Variants in WNT7A observed in about 807,000 individuals in gnomAD.
WNT7A encodes the protein Wnt family member 7A, also known as protein Wnt-7a.
A neutral mutation model predicts 28.2 loss-of-function variants in WNT7A; 16 were observed. That is an observed-to-expected ratio of 0.57 (90% CI 0.38 to 0.86). The LOEUF (loss-of-function observed/expected upper bound fraction) is 0.86, where lower values mean the gene tolerates loss of function less well. Among genes scored for constraint, WNT7A ranks in the 40% least tolerant of loss-of-function variants. The pLI is 0.00. For missense variants in WNT7A, 411 were observed against 489.7 expected (o/e 0.84, Z 1.52); for synonymous variants, 190 against 195.9 (o/e 0.97, Z 0.25).
rs1380881922 is a variant in WNT7A at position 13,817,215 on chromosome 3, C to T, written c.*1729G>A. On this transcript the variant is annotated 3_prime_UTR_variant, in exon 4 of 4. Coordinates refer to ENST00000285018, the MANE Select transcript of WNT7A (RefSeq NM_004625.4). ...ATCTCTGCTGTCTGCCTCATACCAC[C>T]AGCCCTCACATGCAAGCAGAGACTC... 4 of 152,200 alleles carry T rather than the reference C, an allele frequency of 2.6e-5. No individual in the cohort carries two copies. Among genetic ancestry groups the T allele is most frequent in the African/African-American group, 9.7e-5 (4 of 41,406 alleles). The allele number at this position is 152,200 out of a possible 1,614,324, so 9.4% of individuals were successfully genotyped here.
rs899471454 is a variant in WNT7A, at chr3:13,879,927, G to T, written c.-111C>A. On this transcript the variant is annotated 5_prime_UTR_variant, in exon 1 of 4. Transcript: ENST00000285018. ...GGGAGGCGCGAGCCGAGGCGTCCCC[G>T]GGGCCGTCTGTCGGTGCGCCCGTCC... is the stretch of plus-strand genomic sequence containing the variant. 1.2e-6 allele frequency: 1 copy of T among 832,926 alleles called. No homozygotes were observed. The allele number at this position is 832,926 out of a possible 1,614,324, so 51.6% of individuals were successfully genotyped here.
At chr3:13,840,747 T>C (rs781273755) in intron 3 of WNT7A, among the ~76,000 whole-genome samples, 44 of 152,052 alleles carry the variant, frequency 2.9e-4, no homozygotes, top group Admixed American at 7.9e-4. Context: ...TCAACCAGCC[T>C]TCCCATTACT....
At position 13,818,969 on chromosome 3, in the gene WNT7A, C is replaced by A. The variant is rs1172856724; in HGVS notation, c.1025G>T (p.Arg342Leu). ...TCACTTGCACGTGTACATCTCCGTG[C>A]GCTCGCTGCACGTGTTGCACTTGAC... Reference protein sequence around the residue: ...CYVKCNTCSERTEMYTCK With the variant: ...CYVKCNTCSELTEMYTCK Residue 342 changes from arginine to leucine, a missense_variant, in exon 4 of 4, where the codon CGC (arginine) becomes CTC (leucine). Physicochemically the swap from Arg to Leu is moderately radical, Grantham distance 102 (BLOSUM62 -2). Coordinates refer to ENST00000285018, the MANE Select transcript of WNT7A (RefSeq NM_004625.4). 1.1e-5 allele frequency: 17 copies of A among 1,589,964 alleles called. No homozygotes were observed. The South Asian group carries it at 1.8e-4, about 17-fold the overall frequency.
At chr3:13,862,208 A>G (rs113207621) in intron 2 of WNT7A, among the ~76,000 whole-genome samples, 44 of 152,342 alleles carry the variant, frequency 2.9e-4, no homozygotes, top group African/African-American at 1.0e-3. Context: ...TGGATAAAGA[A>G]CGATACATAT....
chr3:13,850,036 G>C (rs1694602268), intron 3 of WNT7A, among the ~76,000 whole-genome samples: 1 of 152,216 alleles, frequency 6.6e-6, no homozygotes, highest in Non-Finnish European at 1.5e-5. Flanking sequence ...AGAAACCAAG[G>C]CCCTGAAAGG....
In WNT7A at chr3:13,879,902, G is replaced by C. The variant is rs979122516; in HGVS notation, c.-86C>G. On this transcript the variant is annotated 5_prime_UTR_variant, in exon 1 of 4. Transcript: ENST00000285018. ...GCGGGGCAATCAACATAGCCCGCCCGGGAGGCGCGAGCCGAGGCGTCCCCG... is the reference window on the plus strand; with the variant it reads ...GCGGGGCAATCAACATAGCCCGCCCCGGAGGCGCGAGCCGAGGCGTCCCCG... 72 of 1,156,806 alleles carry C rather than the reference G, an allele frequency of 6.2e-5. No homozygotes were observed. Among genetic ancestry groups the C allele is most frequent in the Non-Finnish European group, 7.8e-5 (70 of 891,766 alleles). 71.7% of individuals were successfully genotyped at this position (1,156,806 alleles called of 1,614,324 possible).
intron 2 of WNT7A, among the ~76,000 whole-genome samples, chr3:13,868,984 A>G: frequency 7.1e-6 from 1 of 141,524 alleles, no homozygotes; most frequent in African/African-American, 2.7e-5. Flanking sequence ...GAGAAAGAGA[A>G]AGAAAAAGAG....
intron 2 of WNT7A, among the ~76,000 whole-genome samples, chr3:13,858,086 C>G (rs1200451183): frequency 2.6e-5 from 4 of 152,198 alleles, no homozygotes; most frequent in Non-Finnish European, 4.4e-5. Context: ...GCCTGGGACA[C>G]CCAACATGTG....
intron 2 of WNT7A, among the ~76,000 whole-genome samples, chr3:13,861,426 A>G (rs1694829953): frequency 6.6e-6 from 1 of 152,252 alleles, no homozygotes; most frequent in South Asian, 2.1e-4. Flanking sequence ...GTTCTAGGGC[A>G]TGAGGAAACT....
Position 13,874,989 on chromosome 3 carries a change from C to T in WNT7A, c.256G>A (p.Ala86Thr), listed in dbSNP as rs1388380405. 3 of 1,614,204 alleles carry T rather than the reference C, an allele frequency of 1.9e-6. No individual in the cohort carries two copies. Among genetic ancestry groups the T allele is most frequent in the Non-Finnish European group, 2.5e-6 (3 of 1,180,042 alleles). Residue 86 changes from alanine to threonine, a missense_variant, in exon 2 of 4, where the codon GCA becomes ACA. Coordinates refer to ENST00000285018, the MANE Select transcript of WNT7A (RefSeq NM_004625.4). ...QFRNGRWNCS[A>T]LGERTVFGKE... ...CCGAAGACGGTGCGCTCTCCCAGTG[C>T]AGAGCAGTTCCAGCGGCCATTGCGG...
intron 1 of WNT7A, among the ~76,000 whole-genome samples, chr3:13,878,401 G>A (rs1054825662): frequency 6.6e-6 from 1 of 152,198 alleles, no homozygotes; most frequent in African/African-American, 2.4e-5. Context: ...CGCGGGCCAA[G>A]ATGAAGATTA....
At position 13,818,875 on chromosome 3, in the gene WNT7A, G is replaced by A. The variant is rs150773731; in HGVS notation, c.*69C>T. On this transcript the variant is annotated 3_prime_UTR_variant, in exon 4 of 4. Transcript: ENST00000285018. ...AGCTCAGCATCCTGCCAGGGAGCCC[G>A]CAGCTTGGAAACGGTCCAGTCCTCC... 1.5e-4 allele frequency: 227 copies of A among 1,508,488 alleles called. No homozygotes were observed. The African/African-American group carries it at 2.5e-3, about 17-fold the overall frequency. 93.4% of individuals were successfully genotyped at this position (1,508,488 alleles called of 1,614,324 possible). A position where few individuals can be genotyped will look rare whatever the true frequency, so the allele number is the denominator to read the frequency against.
intron 1 of WNT7A, among the ~76,000 whole-genome samples, chr3:13,878,969 G>A (rs1327350716): frequency 1.3e-5 from 2 of 152,182 alleles, no homozygotes; most frequent in Admixed American, 1.3e-4. Flanking sequence ...AGAAACGCTA[G>A]GTGAAGCCGG....
intron 3 of WNT7A, among the ~76,000 whole-genome samples, chr3:13,850,907 C>T (rs1694624518): frequency 6.6e-6 from 1 of 152,096 alleles, no homozygotes; most frequent in Non-Finnish European, 1.5e-5. Flanking sequence ...CTCCTCCAAC[C>T]TCCCTGACTG....
intron 2 of WNT7A, among the ~76,000 whole-genome samples, chr3:13,866,987 G>A (rs1312169549): frequency 6.6e-6 from 1 of 152,112 alleles, no homozygotes; most frequent in Non-Finnish European, 1.5e-5. Flanking sequence ...TGGAGGTAGA[G>A]TCAAAATGGT....
Position 13,858,812 on chromosome 3 carries a change from C to A in WNT7A, c.299-4009G>T, listed in dbSNP as rs34023560. Among the ~76,000 whole-genome samples the A allele has an allele frequency of 7.2e-4, 110 of 152,190 alleles. 1 individual carries two copies. Among genetic ancestry groups the A allele is most frequent in the Non-Finnish European group, 1.1e-3 (75 of 68,010 alleles). ...GGATGTGGAAGAGTCACTTTTGACTCTTGCCATTAACTTTGACGTTGGCCT... is the reference window on the plus strand; with the variant it reads ...GGATGTGGAAGAGTCACTTTTGACTATTGCCATTAACTTTGACGTTGGCCT... On this transcript the variant is annotated intron_variant, in intron 2 of 3. Coordinates refer to ENST00000285018, the MANE Select transcript of WNT7A (RefSeq NM_004625.4).
At chr3:13,870,304 A>T (rs146287766) in intron 2 of WNT7A, among the ~76,000 whole-genome samples, 213 of 152,322 alleles carry the variant, frequency 1.4e-3, no homozygotes, top group South Asian at 8.3e-3. Context: ...AGACCAGGAC[A>T]CAAGAGATTC....
intron 2 of WNT7A, among the ~76,000 whole-genome samples, chr3:13,870,626 A>G (rs61187548): frequency 0.042 from 6,447 of 152,262 alleles, 290 homozygotes; most frequent in South Asian, 0.19. Flanking sequence ...ATGGGCACAC[A>G]ACCAAAAGTA....
rs1259433670 is a variant in WNT7A, at chr3:13,879,728, G to A, written c.71+18C>T. On this transcript the variant is annotated intron_variant, in intron 1 of 3. Transcript: ENST00000285018. ...ACTTTGTCGAAACACGCGCGGAAAG[G>A]GCGCAGGCAGCCCTTACCCGATCCG... The A allele has an allele frequency of 6.2e-6, 10 of 1,610,720 alleles. No individual in the cohort carries two copies. The highest frequency in any genetic ancestry group is 1.6e-4 in the Middle Eastern group (1 of 6,070).
Sources: gnomAD v4.1 joint callset for allele counts (sites outside exome capture counted in the v4.1 genomes callset) on GRCh38, gnomAD v4.1.1 for gene constraint, MANE v1.5 for transcripts, NCBI Gene and HGNC (gene_info 2026-07-23, HGNC 2026-07-21) for gene names.